PLEKHA7: variants seen among roughly 807,000 people sequenced by gnomAD.
The protein encoded by PLEKHA7 is pleckstrin homology domain containing A7.
Under a neutral mutation model 170.0 loss-of-function variants are expected in PLEKHA7, and 104 were observed. The ratio of observed to expected loss-of-function variants is 0.61; its 90% CI spans 0.52 to 0.72. The LOEUF (loss-of-function observed/expected upper bound fraction) is 0.72. PLEKHA7 is among the 30% of genes least tolerant of loss of function. PLEKHA7 has a pLI of 0.00. For synonymous variants in PLEKHA7, 648 were observed against 660.8 expected (o/e 0.98, Z 0.30); for missense variants, 1,615 against 1,671.7 (o/e 0.97, Z 0.59).
chr11:16,902,329 C>T (rs1009628895), intron 3 of PLEKHA7, among the ~76,000 whole-genome samples: 21 of 152,280 alleles, frequency 1.4e-4, no homozygotes, highest in African/African-American at 5.1e-4. Context: ...TGTAGGTGGA[C>T]ATGGTTTCAC....
chr11:16,993,880 T>C (rs1334230274), intron 3 of PLEKHA7, among the ~76,000 whole-genome samples: 1 of 152,200 alleles, frequency 6.6e-6, no homozygotes, highest in African/African-American at 2.4e-5. Flanking sequence ...TCTTGCCTAC[T>C]GTGTCTGGGT....
At chr11:16,904,271 T>C (rs149927979) in intron 3 of PLEKHA7, among the ~76,000 whole-genome samples, 1 of 152,378 alleles carries the variant, frequency 6.6e-6, no homozygotes, top group Non-Finnish European at 1.5e-5. Flanking sequence ...CCATTGGGAA[T>C]ATAGCTCCTC....
At chr11:16,896,461 C>A (rs1271121071) in intron 3 of PLEKHA7, among the ~76,000 whole-genome samples, 1 of 152,102 alleles carries the variant, frequency 6.6e-6, no homozygotes, top group Non-Finnish European at 1.5e-5. Flanking sequence ...GGCATCCTAC[C>A]TTTTCCCCTC....
chr11:16,828,370 T>C (rs886104543), intron 9 of PLEKHA7, among the ~76,000 whole-genome samples: 1 of 152,188 alleles, frequency 6.6e-6, no homozygotes, highest in Non-Finnish European at 1.5e-5. Flanking sequence ...AGGACATGTT[T>C]GCTTTCCCTT....
intron 9 of PLEKHA7, among the ~76,000 whole-genome samples, chr11:16,829,168 C>G (rs1850903396): frequency 6.6e-6 from 1 of 150,594 alleles, no homozygotes; most frequent in Admixed American, 6.6e-5. Context: ...TTTTAATTAG[C>G]TCTGCTAATT....
Position 16,787,375 on chromosome 11 carries a change from C to T in PLEKHA7, c.3358-988G>A, listed in dbSNP as rs114457216. 8.6e-3 allele frequency: 2,027 copies of T among 234,906 alleles called. 44 individuals carry two copies. The highest frequency in any genetic ancestry group is 0.045 in the African/African-American group (1,937 of 43,042). 14.6% of individuals were successfully genotyped at this position (234,906 alleles called of 1,614,324 possible). On this transcript the variant is annotated intron_variant, in intron 23 of 26. Coordinates refer to ENST00000531066, the MANE Select transcript of PLEKHA7 (RefSeq NM_001329630.2). ...AGAACCCCAAACCCAGAGCCATATTCGCACATTTCACCCATTCATGCACAA... is the reference window on the plus strand; with the variant it reads ...AGAACCCCAAACCCAGAGCCATATTTGCACATTTCACCCATTCATGCACAA...
chr11:16,822,032 C>T (rs1446169226), intron 10 of PLEKHA7, among the ~76,000 whole-genome samples: 2 of 150,050 alleles, frequency 1.3e-5, no homozygotes, highest in African/African-American at 2.4e-5. Flanking sequence ...AGTCCTATGC[C>T]CTCCCCACCC....
chr11:16,813,097 C>T lies in PLEKHA7; in HGVS notation c.2007+16G>A. 6.2e-7 allele frequency: 1 copy of T among 1,611,018 alleles called. No homozygotes were observed. Among genetic ancestry groups the T allele is most frequent in the Non-Finnish European group, 8.5e-7 (1 of 1,177,308 alleles). ...GGTGAGTATGCAAGGAAGGCAGGAACCCTGATGTCACTTACCTTTAGATCC... is the reference window on the plus strand; with the variant it reads ...GGTGAGTATGCAAGGAAGGCAGGAATCCTGATGTCACTTACCTTTAGATCC... On this transcript the variant is annotated intron_variant, in intron 13 of 26. Coordinates refer to ENST00000531066, the MANE Select transcript of PLEKHA7 (RefSeq NM_001329630.2).
intron 9 of PLEKHA7, among the ~76,000 whole-genome samples, chr11:16,839,291 C>T (rs1851773548): frequency 6.6e-6 from 1 of 151,858 alleles, no homozygotes; most frequent in African/African-American, 2.4e-5. Flanking sequence ...TATATAAATG[C>T]ATAGAAAATA....
intron 3 of PLEKHA7, among the ~76,000 whole-genome samples, chr11:16,962,749 C>T (rs1026390457): frequency 3.3e-5 from 5 of 152,210 alleles, no homozygotes; most frequent in Non-Finnish European, 7.3e-5. Flanking sequence ...GCATGAGCCA[C>T]TGCACCTGGC....
chr11:16,796,925 C>T lies in PLEKHA7; in HGVS notation c.2410-1907G>A, dbSNP rs184188367. On this transcript the variant is annotated intron_variant, in intron 17 of 26. Transcript: ENST00000531066. ...CCAAGTGATCCTCCTGCTTTGGCCT[C>T]CCAAAGTGCTGGGATTATAGGCGTG... Among the ~76,000 whole-genome samples the T allele has an allele frequency of 6.0e-4, 91 of 152,276 alleles. 1 individual carries two copies. In the Middle Eastern group the frequency reaches 0.02, roughly 34 times the overall value.
intron 3 of PLEKHA7, among the ~76,000 whole-genome samples, chr11:16,873,766 A>T (rs1364704948): frequency 1.3e-5 from 2 of 152,152 alleles, no homozygotes; most frequent in African/African-American, 4.8e-5. Flanking sequence ...TCCAGGGTTC[A>T]AGTGATTCTC....
At chr11:16,980,216 A>G (rs1565176132) in intron 3 of PLEKHA7, among the ~76,000 whole-genome samples, 7 of 152,270 alleles carry the variant, frequency 4.6e-5, no homozygotes, top group Admixed American at 3.9e-4. Context: ...AAGAACAGCT[A>G]GCATCTGCTG....
intron 3 of PLEKHA7, among the ~76,000 whole-genome samples, chr11:16,992,626 C>T (rs1449034389): frequency 6.6e-6 from 1 of 151,670 alleles, no homozygotes; most frequent in African/African-American, 2.4e-5. Flanking sequence ...TGTGGTGGCA[C>T]ATACCTGTAG....
intron 3 of PLEKHA7, among the ~76,000 whole-genome samples, chr11:17,007,238 T>C: frequency 6.6e-6 from 1 of 152,264 alleles, no homozygotes; most frequent in East Asian, 1.9e-4. Context: ...TAAAACATTA[T>C]ATTCTACAAT....
At position 16,851,260 on chromosome 11, in the gene PLEKHA7, G is replaced by C. The variant is rs529428249; in HGVS notation, c.627C>G (p.Ile209Met). ...GAGAGATCACGTAGCTGGGCAAGGG[G>C]ATGCTCCCGAGGACCGCTTCTTCTC... Reference protein sequence around the residue: ...DSREEAVLGSIPLPSYVISPV... With the variant: ...DSREEAVLGSMPLPSYVISPV... Residue 209 changes from isoleucine to methionine, a missense_variant, in exon 8 of 27, where the codon ATC becomes ATG. Ile to Met is a conservative substitution (Grantham distance 10). Transcript: ENST00000531066. The C allele has an allele frequency of 1.1e-4, 173 of 1,611,844 alleles. No individual in the cohort carries two copies. The East Asian group carries it at 3.5e-3, about 32-fold the overall frequency.
chr11:16,847,334 C>T lies in PLEKHA7; in HGVS notation c.696+3857G>A, dbSNP rs949721830. Reference sequence around the variant, plus strand: ...GTCTCGATCTCCTGACCTCGTGATCCGCCCCCCTCTGCCTCCCAAAGTCCT... The same window carrying T: ...GTCTCGATCTCCTGACCTCGTGATCTGCCCCCCTCTGCCTCCCAAAGTCCT... On this transcript the variant is annotated intron_variant, in intron 8 of 26. Coordinates refer to ENST00000531066, the MANE Select transcript of PLEKHA7 (RefSeq NM_001329630.2). Among the ~76,000 whole-genome samples the T allele has an allele frequency of 4.6e-5, 7 of 151,974 alleles. No individual in the cohort carries two copies. In the East Asian group the frequency reaches 5.9e-4, roughly 13 times the overall value.
chr11:16,955,066 T>C (rs1162862349), intron 3 of PLEKHA7, among the ~76,000 whole-genome samples: 1 of 152,198 alleles, frequency 6.6e-6, no homozygotes, highest in Non-Finnish European at 1.5e-5. Context: ...AATTCCCTTA[T>C]CAGATGGATT....
intron 10 of PLEKHA7, among the ~76,000 whole-genome samples, chr11:16,824,991 A>G (rs1850526917): frequency 1.3e-5 from 2 of 152,184 alleles, no homozygotes; most frequent in Non-Finnish European, 2.9e-5. Context: ...CAGGATTGAC[A>G]CCTGGTCATT....
Sources: gnomAD v4.1 joint callset for allele counts (sites outside exome capture counted in the v4.1 genomes callset) on GRCh38, gnomAD v4.1.1 for gene constraint, MANE v1.5 for transcripts, NCBI Gene and HGNC (gene_info 2026-07-23, HGNC 2026-07-21) for gene names.